The following PTPRK variants were observed in gnomAD, a reference collection of about 807,000 sequenced individuals.
PTPRK encodes the protein receptor-type tyrosine-protein phosphatase kappa.
PTPRK carries 75 observed loss-of-function variants against 178.0 expected under a neutral mutation model. That is an observed-to-expected ratio of 0.42 (90% CI 0.35 to 0.51). The LOEUF (loss-of-function observed/expected upper bound fraction) is 0.51, where lower values mean the gene tolerates loss of function less well. Ranked by LOEUF, PTPRK falls within the 20% of genes least tolerant of loss-of-function variation. PTPRK has a pLI of 0.02. For missense variants in PTPRK, 1,441 were observed against 1,797.8 expected (o/e 0.80, Z 3.59); for synonymous variants, 637 against 620.6 (o/e 1.03, Z -0.39).
intron 3 of PTPRK, among the ~76,000 whole-genome samples, chr6:128,275,110 T>A (rs1236533058): frequency 6.6e-6 from 1 of 152,006 alleles, no homozygotes; most frequent in Non-Finnish European, 1.5e-5. Flanking sequence ...ACACACACTT[T>A]CATTTTAATC....
Position 128,008,816 on chromosome 6 carries a change from T to C in PTPRK, c.2333+314A>G, listed in dbSNP as rs373071714. 4.6e-5 allele frequency among the ~76,000 whole-genome samples: 7 copies of C among 151,170 alleles called. No individual in the cohort carries two copies. The East Asian group carries it at 5.8e-4, about 13-fold the overall frequency. On this transcript the variant is annotated intron_variant, in intron 14 of 29. Transcript: ENST00000368226. Reference sequence around the variant, plus strand: ...ATCACAATAAATCCATATTTTGCCATTGTTAATAATAACACTTCAAATATA... The same window carrying C: ...ATCACAATAAATCCATATTTTGCCACTGTTAATAATAACACTTCAAATATA...
intron 1 of PTPRK, among the ~76,000 whole-genome samples, chr6:128,437,581 T>G (rs894578484): frequency 6.6e-6 from 1 of 152,194 alleles, no homozygotes; most frequent in Non-Finnish European, 1.5e-5. Context: ...TTAAATACAT[T>G]TTTAAACAAA....
intron 1 of PTPRK, among the ~76,000 whole-genome samples, chr6:128,435,114 A>C (rs6920886): frequency 0.071 from 5,648 of 79,480 alleles, 188 homozygotes; most frequent in Non-Finnish European, 0.092. Flanking sequence ...GGAAGGCAGG[A>C]AGGCAGGCAG....
intron 1 of PTPRK, among the ~76,000 whole-genome samples, chr6:128,437,764 G>C (rs1055825037): frequency 6.6e-6 from 1 of 152,156 alleles, no homozygotes; most frequent in African/African-American, 2.4e-5. Context: ...GTATAGGCAG[G>C]GCTGATGAGG....
intron 6 of PTPRK, among the ~76,000 whole-genome samples, chr6:128,208,863 C>T (rs11968650): frequency 1.3e-3 from 201 of 152,196 alleles, no homozygotes; most frequent in African/African-American, 4.7e-3. Flanking sequence ...TCCTAGCACC[C>T]CAATCGAAAG....
intron 2 of PTPRK, among the ~76,000 whole-genome samples, chr6:128,360,795 A>G (rs1364627101): frequency 6.6e-6 from 1 of 152,144 alleles, no homozygotes; most frequent in African/African-American, 2.4e-5. Flanking sequence ...TCTACACCCT[A>G]TACAACCAAA....
In PTPRK at chr6:128,504,247, T is replaced by G. The variant is rs1464635624; in HGVS notation, c.100+16012A>C. Among the ~76,000 whole-genome samples, 5 of 152,168 alleles carry G rather than the reference T, an allele frequency of 3.3e-5. No individual in the cohort carries two copies. The East Asian group carries it at 9.6e-4, about 29-fold the overall frequency. ...AAATGCTGACATGACATCCTGCCCC[T>G]TCTCTGTCCCCTGCCCTTTACTTGA... On this transcript the variant is annotated intron_variant, in intron 1 of 29. Coordinates refer to ENST00000368226, the MANE Select transcript of PTPRK (RefSeq NM_002844.4).
intron 7 of PTPRK, among the ~76,000 whole-genome samples, chr6:128,172,399 T>C (rs1362351200): frequency 6.6e-6 from 1 of 151,856 alleles, no homozygotes; most frequent in Non-Finnish European, 1.5e-5. Flanking sequence ...GAGAGATAGG[T>C]GCTTTATCTC....
intron 13 of PTPRK, among the ~76,000 whole-genome samples, chr6:128,057,991 T>A (rs952516843): frequency 1.3e-5 from 2 of 152,220 alleles, no homozygotes; most frequent in African/African-American, 2.4e-5. Context: ...TATATTATTT[T>A]GTGTAGTCAT....
chr6:128,308,873 T>C (rs1449428233), intron 3 of PTPRK, among the ~76,000 whole-genome samples: 1 of 152,162 alleles, frequency 6.6e-6, no homozygotes, highest in African/African-American at 2.4e-5. Flanking sequence ...CTTTACATAT[T>C]TGCAAAGAGA....
At chr6:128,343,920 T>C (rs1348750397) in intron 2 of PTPRK, among the ~76,000 whole-genome samples, 1 of 152,176 alleles carries the variant, frequency 6.6e-6, no homozygotes, top group Non-Finnish European at 1.5e-5. Context: ...AACTCTGGGG[T>C]CAGATCAACC....
chr6:128,024,169 A>G (rs895053431), intron 13 of PTPRK, among the ~76,000 whole-genome samples: 3 of 152,246 alleles, frequency 2.0e-5, no homozygotes, highest in African/African-American at 4.8e-5. Context: ...CCAGATGAAC[A>G]CACTAAAATA....
intron 6 of PTPRK, among the ~76,000 whole-genome samples, chr6:128,203,657 G>A (rs1806374541): frequency 6.6e-6 from 1 of 152,054 alleles, no homozygotes; most frequent in Admixed American, 6.6e-5. Flanking sequence ...CAAATTCTGA[G>A]TAAACTCCCA....
chr6:128,222,151 C>T (rs1326450432), intron 5 of PTPRK, among the ~76,000 whole-genome samples: 1 of 152,206 alleles, frequency 6.6e-6, no homozygotes, highest in Non-Finnish European at 1.5e-5. Flanking sequence ...TCCACACCCA[C>T]TCAAGTCTTC....
intron 14 of PTPRK, chr6:128,008,111 G>T: frequency 1.5e-6 from 2 of 1,301,664 alleles, no homozygotes; most frequent in Non-Finnish European, 1.0e-6. Context: ...TCGTAAAGAG[G>T]CAATATATTA....
At chr6:128,082,709 A>G in intron 9 of PTPRK, 71 bp from the exon 10 acceptor site, 9 of 1,195,680 alleles carry the variant, frequency 7.5e-6, no homozygotes, top group Non-Finnish European at 9.3e-6. Flanking sequence ...CTCTGTATAA[A>G]TAAGGTAGTA....
At chr6:128,443,109 G>A (rs1846497929) in intron 1 of PTPRK, among the ~76,000 whole-genome samples, 1 of 151,594 alleles carries the variant, frequency 6.6e-6, no homozygotes, top group Non-Finnish European at 1.5e-5. Flanking sequence ...AAAACAATAA[G>A]ATTAATTATT....
At chr6:128,282,593 A>G (rs1821843765) in intron 3 of PTPRK, among the ~76,000 whole-genome samples, 1 of 152,222 alleles carries the variant, frequency 6.6e-6, no homozygotes, top group African/African-American at 2.4e-5. Flanking sequence ...AGGCATGTTC[A>G]TATTTTTGCC....
rs74626623 is a variant in PTPRK, at chr6:128,362,247, A to T, written c.223+35319T>A. On this transcript the variant is annotated intron_variant, in intron 2 of 29. Coordinates refer to ENST00000368226, the MANE Select transcript of PTPRK (RefSeq NM_002844.4). ...CGGTGAAAGTGGGAGCAAGGGAGGAAGGAGGAAAGTGCTACATATTTTTAA... is the reference window on the plus strand; with the variant it reads ...CGGTGAAAGTGGGAGCAAGGGAGGATGGAGGAAAGTGCTACATATTTTTAA... Among the ~76,000 whole-genome samples, 69 of 152,214 alleles carry T rather than the reference A, an allele frequency of 4.5e-4. No individual in the cohort carries two copies. In the East Asian group the frequency reaches 7.2e-3, roughly 16 times the overall value.
Sources: allele counts gnomAD v4.1 joint callset (sites outside exome capture counted in the v4.1 genomes callset), GRCh38; gene constraint gnomAD v4.1.1; transcripts MANE v1.5; gene names NCBI Gene and HGNC (gene_info 2026-07-23, HGNC 2026-07-21).